The following CHSY1 variants were observed in gnomAD, a reference collection of about 807,000 sequenced individuals.
CHSY1 encodes the protein N-acetylgalactosaminyl-proteoglycan 3-beta-glucuronosyltransferase 1.
In CHSY1, 13 loss-of-function variants were observed where a neutral mutation model predicts 59.8. The observed-to-expected ratio is 0.22, with a 90% CI of 0.14 to 0.35. CHSY1 has a LOEUF of 0.35. CHSY1 is among the 10% of genes least tolerant of loss of function. The probability of loss-of-function intolerance (pLI) is 1.00; values close to 1 mark genes in which losing one functional copy is unlikely to be tolerated. For synonymous variants in CHSY1, 459 were observed against 401.2 expected (o/e 1.14, Z -1.72); for missense variants, 947 against 1,030.6 (o/e 0.92, Z 1.11).
intron 1 of CHSY1, among the ~76,000 whole-genome samples, chr15:101,242,869 C>T (rs888599846): frequency 1.3e-5 from 2 of 152,208 alleles, no homozygotes; most frequent in African/African-American, 4.8e-5. Flanking sequence ...CTTTAACTGT[C>T]TCATCGTGCA....
intron 2 of CHSY1, among the ~76,000 whole-genome samples, chr15:101,182,196 G>C (rs1203093856): frequency 3.3e-5 from 5 of 152,166 alleles, no homozygotes; most frequent in African/African-American, 1.2e-4. Context: ...CATTCAGCAT[G>C]GTTAGTGGTA....
In CHSY1 at chr15:101,251,250, C is replaced by A; in HGVS notation, c.207G>T (p.Gln69His). Residue 69 changes from glutamine to histidine, a missense_variant, in exon 1 of 3, where the codon CAG (glutamine) becomes CAT (histidine). Physicochemically the swap from Gln to His is conservative, Grantham distance 24. This residue lies in a region of CHSY1 where 232 missense variants were observed against 188.5 expected (regional missense o/e 1.23). Coordinates refer to ENST00000254190, the MANE Select transcript of CHSY1 (RefSeq NM_014918.5). ...CTGGGTCCGAGCCGGGCGGCCAGAGCTGCGCCCCGCGCGCATCGCCGCGCG... is the reference window on the plus strand; with the variant it reads ...CTGGGTCCGAGCCGGGCGGCCAGAGATGCGCCCCGCGCGCATCGCCGCGCG... ...GGARGDARGA[Q>H]LWPPGSDPDG... 18 of 1,443,956 alleles carry A rather than the reference C, an allele frequency of 1.2e-5. No homozygotes were observed. The highest frequency in any genetic ancestry group is 1.6e-5 in the Non-Finnish European group (18 of 1,097,936). 89.4% of individuals were successfully genotyped at this position (1,443,956 alleles called of 1,614,324 possible).
Position 101,235,185 on chromosome 15 carries a change from T to C in CHSY1, c.713A>G (p.His238Arg), listed in dbSNP as rs1480921610. Residue 238 changes from histidine to arginine, a missense_variant, in exon 2 of 3, where the codon CAC (histidine) becomes CGC (arginine). Physicochemically the swap from His to Arg is conservative, Grantham distance 29 (BLOSUM62 0). This residue lies in a region of CHSY1 where 108 missense variants were observed against 144.4 expected (regional missense o/e 0.75). Transcript: ENST00000254190. ...CATCTCCCGGAGACACTTGCCAATG[T>C]GCGGCACCATTCTCCGAAGCACCTC... ...SREVLRRMVP[H>R]IGKCLREMYT... The C allele has an allele frequency of 2.5e-6, 4 of 1,614,048 alleles. No homozygotes were observed. The South Asian group carries it at 3.3e-5, about 13-fold the overall frequency.
At chr15:101,209,040 C>G (rs1471971795) in intron 2 of CHSY1, among the ~76,000 whole-genome samples, 3 of 152,102 alleles carry the variant, frequency 2.0e-5, no homozygotes, top group Non-Finnish European at 4.4e-5. Flanking sequence ...TGATGAGGAA[C>G]AGGATATTTA....
intron 2 of CHSY1, among the ~76,000 whole-genome samples, chr15:101,186,147 C>CAAAAAAA (rs35398576): frequency 3.6e-4 from 29 of 79,580 alleles, no homozygotes; most frequent in East Asian, 2.3e-3. Context: ...TTGTCTCTAC[C>CAAAAAAA]AAAAAAAAAA....
At chr15:101,241,717 G>T (rs113754560) in intron 1 of CHSY1, among the ~76,000 whole-genome samples, 1 of 152,152 alleles carries the variant, frequency 6.6e-6, no homozygotes, top group East Asian at 1.9e-4. Flanking sequence ...ATGGCTACAC[G>T]GCAGTCAGTT....
rs375367023 is a variant in CHSY1, at chr15:101,182,998, T to C, written c.817-4018A>G. On this transcript the variant is annotated intron_variant, in intron 2 of 2. Coordinates refer to ENST00000254190, the MANE Select transcript of CHSY1 (RefSeq NM_014918.5). ...ACAACAAAAACAAAAATCTACAATATAGTCAAAGGGAAGACAGTGCAACCA... is the reference window on the plus strand; with the variant it reads ...ACAACAAAAACAAAAATCTACAATACAGTCAAAGGGAAGACAGTGCAACCA... 7.2e-5 allele frequency among the ~76,000 whole-genome samples: 11 copies of C among 151,860 alleles called. No homozygotes were observed. The East Asian group carries it at 2.1e-3, about 29-fold the overall frequency.
intron 2 of CHSY1, among the ~76,000 whole-genome samples, chr15:101,188,694 T>C (rs2038403863): frequency 6.6e-6 from 1 of 152,192 alleles, no homozygotes; most frequent in Non-Finnish European, 1.5e-5. Flanking sequence ...CAAAATAATT[T>C]TGAGAATTAA....
At chr15:101,238,865 C>T (rs763087480) in intron 1 of CHSY1, among the ~76,000 whole-genome samples, 12 of 152,156 alleles carry the variant, frequency 7.9e-5, no homozygotes, top group Admixed American at 1.3e-4. Context: ...GTAGAATAAA[C>T]GTAGAGATGT....
chr15:101,202,746 A>G (rs1282996657), intron 2 of CHSY1, among the ~76,000 whole-genome samples: 1 of 152,256 alleles, frequency 6.6e-6, no homozygotes, highest in African/African-American at 2.4e-5. Flanking sequence ...TAACATATAA[A>G]TAGTAGTTTG....
intron 2 of CHSY1, among the ~76,000 whole-genome samples, chr15:101,209,481 G>C (rs1340571101): frequency 2.0e-5 from 3 of 152,082 alleles, no homozygotes; most frequent in African/African-American, 7.3e-5. Context: ...TGTATGCCGT[G>C]AAGCTTTTTG....
In CHSY1 at chr15:101,235,427, G is replaced by A. The variant is rs746614193; in HGVS notation, c.471C>T (p.His157=). 17 of 1,613,978 alleles carry A rather than the reference G, an allele frequency of 1.1e-5. No homozygotes were observed. Among genetic ancestry groups the A allele is most frequent in the Admixed American group, 1.7e-5 (1 of 60,002 alleles). ...ATTCATACTTGTCCAAGTAGTGGTCGTGCATGTACTTGAGCATCATGAAGG... is the reference window on the plus strand; with the variant it reads ...ATTCATACTTGTCCAAGTAGTGGTCATGCATGTACTTGAGCATCATGAAGG... ...KKSFMMLKYM[H]DHYLDKYEWF... The change falls in exon 2 of 3, where the codon CAC becomes CAT. Residue 157 remains histidine, a synonymous_variant. Transcript: ENST00000254190.
At chr15:101,207,254 T>C (rs562416765) in intron 2 of CHSY1, among the ~76,000 whole-genome samples, 95 of 152,366 alleles carry the variant, frequency 6.2e-4, no homozygotes, top group Non-Finnish European at 9.8e-4. Context: ...TACCTCATTT[T>C]TGGAAATAAA....
At chr15:101,230,932 T>C (rs1380516239) in intron 2 of CHSY1, among the ~76,000 whole-genome samples, 1 of 152,260 alleles carries the variant, frequency 6.6e-6, no homozygotes, top group Non-Finnish European at 1.5e-5. Flanking sequence ...AGGGCAGTTC[T>C]GGGCTCATTA....
intron 2 of CHSY1, among the ~76,000 whole-genome samples, chr15:101,205,818 GT>G (rs1187988420): frequency 3.9e-5 from 6 of 152,256 alleles, no homozygotes; most frequent in Admixed American, 3.3e-4. Flanking sequence ...GGGCGTGGTG[GT>G]GGGCGCCCGT....
rs1271400138 is a variant in CHSY1 at position 101,178,305 on chromosome 15, T to C, written c.1492A>G (p.Asn498Asp). Residue 498 changes from asparagine to aspartate, a missense_variant, in exon 3 of 3, where the codon AAT (asparagine) becomes GAT (aspartate). Physicochemically the swap from Asn to Asp is conservative, Grantham distance 23. This residue lies in a region of CHSY1 where 602 missense variants were observed against 676.9 expected (regional missense o/e 0.89). Transcript: ENST00000254190. ...AAGGACAAGGATCCAGATTCCTGAT[T>C]GATTCTCTTGGCCAACTCTTGTGCA... ...LDAQELAKRI[N>D]QESGSLSFLS... is the part of the protein sequence containing the mutation. The C allele has an allele frequency of 6.2e-7, 1 of 1,609,538 alleles. No homozygotes were observed. Among genetic ancestry groups the C allele is most frequent in the East Asian group, 2.2e-5 (1 of 44,756 alleles).
intron 2 of CHSY1, among the ~76,000 whole-genome samples, chr15:101,201,165 A>G (rs1434584666): frequency 6.6e-6 from 1 of 152,206 alleles, no homozygotes; most frequent in Non-Finnish European, 1.5e-5. Context: ...GAGAATGTGA[A>G]ATCTCCTTTA....
chr15:101,242,027 T>C (rs2039008122), intron 1 of CHSY1, among the ~76,000 whole-genome samples: 1 of 152,236 alleles, frequency 6.6e-6, no homozygotes, highest in Non-Finnish European at 1.5e-5. Flanking sequence ...ATATTGTATT[T>C]ACTTGTATTG....
At chr15:101,230,486 T>C (rs1596450510) in intron 2 of CHSY1, among the ~76,000 whole-genome samples, 1 of 152,204 alleles carries the variant, frequency 6.6e-6, no homozygotes, top group Non-Finnish European at 1.5e-5. Context: ...TTGATCCTTA[T>C]ACAACATATA....
Sources: allele counts gnomAD v4.1 joint callset (sites outside exome capture counted in the v4.1 genomes callset), GRCh38; gene constraint gnomAD v4.1.1; regional missense constraint gnomAD v4.1.1; transcripts MANE v1.5; gene names NCBI Gene and HGNC (gene_info 2026-07-23, HGNC 2026-07-21).